Variants in HEPACAM observed in about 807,000 individuals in gnomAD.
HEPACAM encodes the protein hepatic and glial cell adhesion molecule, also known as hepatocyte cell adhesion molecule.
HEPACAM carries 18 observed loss-of-function variants against 38.3 expected under a neutral mutation model. That is an observed-to-expected ratio of 0.47 (90% CI 0.33 to 0.70). The LOEUF (loss-of-function observed/expected upper bound fraction) is 0.70, where lower values mean the gene tolerates loss of function less well. Ranked by LOEUF, HEPACAM falls within the 30% of genes least tolerant of loss-of-function variation. The pLI is 0.03. For synonymous variants in HEPACAM, 216 were observed against 243.1 expected, an observed-to-expected ratio of 0.89 and a Z score of 1.04; for missense variants, 466 against 563.0, an observed-to-expected ratio of 0.83 and a Z score of 1.74.
In HEPACAM at chr11:124,924,156, C is replaced by T. The variant is rs1261473138; in HGVS notation, c.428-146G>A. On this transcript the variant is annotated intron_variant, in intron 2 of 6. Transcript: ENST00000298251. The surrounding 1 kb of genome is among the most constrained non-coding windows in gnomAD (Gnocchi z 4.4). Reference sequence around the variant, plus strand: ...GAGAAGACTTCAGACATCCTAAGTCCAGTTCTTTCCCATCGCTTATTCATT... The same window carrying T: ...GAGAAGACTTCAGACATCCTAAGTCTAGTTCTTTCCCATCGCTTATTCATT... 7 of 775,308 alleles carry T rather than the reference C, an allele frequency of 9.0e-6. No individual in the cohort carries two copies. In the East Asian group the frequency reaches 1.9e-4, roughly 21 times the overall value. 48.0% of individuals were successfully genotyped at this position (775,308 alleles called of 1,614,324 possible). A position where few individuals can be genotyped will look rare whatever the true frequency, so the allele number is the denominator to read the frequency against.
At chr11:124,923,472 A>G in intron 3 of HEPACAM, 39 bp from the exon 4 acceptor site, 2 of 1,431,562 alleles carry the variant, frequency 1.4e-6, no homozygotes, top group South Asian at 1.1e-5. Context: ...GAGGGACTTC[A>G]AAGGGGCAAG....
Position 124,919,965 on chromosome 11 carries a change from G to C in HEPACAM, c.*1173C>G. On this transcript the variant is annotated 3_prime_UTR_variant, in exon 7 of 7. Coordinates refer to ENST00000298251, the MANE Select transcript of HEPACAM (RefSeq NM_152722.5). ...GAACTGTTCAATAGGCGGTGGCATG[G>C]GCATGTCCTGGCTACACAGCGGCCC... The C allele has an allele frequency of 6.2e-7, 1 of 1,613,726 alleles. No individual in the cohort carries two copies. Among genetic ancestry groups the C allele is most frequent in the Non-Finnish European group, 8.5e-7 (1 of 1,180,020 alleles).
intron 1 of HEPACAM, among the ~76,000 whole-genome samples, chr11:124,934,107 C>T (rs75901929): frequency 1.3e-5 from 2 of 152,136 alleles, no homozygotes; most frequent in South Asian, 4.1e-4. Flanking sequence ...CATCTTCACA[C>T]GGAAGCCTCA....
At chr11:124,923,250 G>T in intron 4 of HEPACAM, 90 bp downstream of exon 4, 1 of 872,740 alleles carries the variant, frequency 1.1e-6, no homozygotes, top group Non-Finnish European at 2.0e-6. Flanking sequence ...AACCCTGGGA[G>T]GAAAGGCATT....
intron 3 of HEPACAM, 129 bp from the exon 4 acceptor site, chr11:124,923,562 G>C: frequency 9.1e-7 from 1 of 1,095,398 alleles, no homozygotes; most frequent in Non-Finnish European, 1.4e-6. Context: ...GCTGGTGGTG[G>C]AGCTTGTACA....
chr11:124,921,507 G>C lies in HEPACAM; in HGVS notation c.949-67C>G, dbSNP rs184424164. Reference sequence around the variant, plus strand: ...CAGCCTGGGAGCGCGCCTGGTGTTAGAGCTTGCTGGAATTCCGAGGGGAGG... The same window carrying C: ...CAGCCTGGGAGCGCGCCTGGTGTTACAGCTTGCTGGAATTCCGAGGGGAGG... On this transcript the variant is annotated intron_variant, in intron 6 of 6. Coordinates refer to ENST00000298251, the MANE Select transcript of HEPACAM (RefSeq NM_152722.5). The surrounding 1 kb of genome is among the most constrained non-coding windows in gnomAD (Gnocchi z 4.6). 7.5e-4 allele frequency: 781 copies of C among 1,041,952 alleles called. 1 individual carries two copies. The African/African-American group carries it at 0.011, about 14-fold the overall frequency. The allele number at this position is 1,041,952 out of a possible 1,614,324, so 64.5% of individuals were successfully genotyped here.
intron 1 of HEPACAM, among the ~76,000 whole-genome samples, chr11:124,929,516 G>T (rs1947258502): frequency 1.3e-5 from 2 of 152,304 alleles, no homozygotes; most frequent in South Asian, 4.1e-4. Context: ...ACACAGAAAT[G>T]AGGAAATAGC....
rs530788589 is a variant in HEPACAM at position 124,921,881 on chromosome 11, T to C, written c.949-441A>G. Among the ~76,000 whole-genome samples, 5 of 152,274 alleles carry C rather than the reference T, an allele frequency of 3.3e-5. No individual in the cohort carries two copies. The South Asian group carries it at 1.0e-3, about 32-fold the overall frequency. On this transcript the variant is annotated intron_variant, in intron 6 of 6. Coordinates refer to ENST00000298251, the MANE Select transcript of HEPACAM (RefSeq NM_152722.5). The surrounding 1 kb of genome is among the most constrained non-coding windows in gnomAD (Gnocchi z 4.6). ...CTCTAAAATGTGCATGACACAAATATTTCACAGGGTTATTCTGAGTACTAT... is the reference window on the plus strand; with the variant it reads ...CTCTAAAATGTGCATGACACAAATACTTCACAGGGTTATTCTGAGTACTAT...
intron 5 of HEPACAM, 106 bp downstream of exon 5, chr11:124,922,639 A>G: frequency 6.2e-7 from 1 of 1,613,268 alleles, no homozygotes. Context: ...TGGTGGGGGA[A>G]GGGTCCCTGC....
chr11:124,923,559 G>T, intron 3 of HEPACAM, 126 bp from the exon 4 acceptor site: 1 of 1,092,068 alleles, frequency 9.2e-7, no homozygotes, highest in Non-Finnish European at 1.4e-6. Flanking sequence ...GATGCTGGTG[G>T]TGGAGCTTGT....
In HEPACAM at chr11:124,920,232, G is replaced by T; in HGVS notation, c.*906C>A. On this transcript the variant is annotated 3_prime_UTR_variant, in exon 7 of 7. Transcript: ENST00000298251. ...CCTGAGGACAATGATTGTTTGAAAG[G>T]CTTGTTTTGTAAGGAAGCCAGGAGG... The T allele has an allele frequency of 1.1e-6, 1 of 880,012 alleles. No individual in the cohort carries two copies. The highest frequency in any genetic ancestry group is 1.7e-6 in the Non-Finnish European group (1 of 578,032). 54.5% of individuals were successfully genotyped at this position (880,012 alleles called of 1,614,324 possible).
chr11:124,920,974 G>C lies in HEPACAM; in HGVS notation c.*164C>G. The C allele has an allele frequency of 7.4e-7, 1 of 1,360,526 alleles. No individual in the cohort carries two copies. The highest frequency in any genetic ancestry group is 9.4e-7 in the Non-Finnish European group (1 of 1,059,934). The allele number at this position is 1,360,526 out of a possible 1,614,324, so 84.3% of individuals were successfully genotyped here. ...TCAACACTGCCGCCTCCGCGCACCC[G>C]CCTCCGTCTGCGCATGCTCATACAC... On this transcript the variant is annotated 3_prime_UTR_variant, in exon 7 of 7. Coordinates refer to ENST00000298251, the MANE Select transcript of HEPACAM (RefSeq NM_152722.5).
rs139560508 is a variant in HEPACAM, at chr11:124,935,815, C to T, written c.85+107G>A. 1.0e-3 allele frequency: 888 copies of T among 876,088 alleles called. 5 individuals carry two copies. Among genetic ancestry groups the T allele is most frequent in the South Asian group, 2.3e-3 (169 of 71,950 alleles). The allele number at this position is 876,088 out of a possible 1,614,324, so 54.3% of individuals were successfully genotyped here. On this transcript the variant is annotated intron_variant, in intron 1 of 6. Transcript: ENST00000298251. ...ATGTTTCCCACGGCAGCTGAACTCT[C>T]CCCCACTCCTGCCCCAAAGGCATTC...
Position 124,920,041 on chromosome 11 carries a change from T to C in HEPACAM, c.*1097A>G, listed in dbSNP as rs533937460. 185 of 1,605,310 alleles carry C rather than the reference T, an allele frequency of 1.2e-4. 3 individuals carry two copies. In the South Asian group the frequency reaches 1.9e-3, roughly 16 times the overall value. On this transcript the variant is annotated 3_prime_UTR_variant, in exon 7 of 7. Coordinates refer to ENST00000298251, the MANE Select transcript of HEPACAM (RefSeq NM_152722.5). Reference sequence around the variant, plus strand: ...GATTAGGGAGTCTGCCCTTTTTCTGTGCCCTGGGACCTGAGCATGTGGGAG... The same window carrying C: ...GATTAGGGAGTCTGCCCTTTTTCTGCGCCCTGGGACCTGAGCATGTGGGAG...
At position 124,919,849 on chromosome 11, in the gene HEPACAM, G is replaced by C; in HGVS notation, c.*1289C>G. The C allele has an allele frequency of 6.2e-7, 1 of 1,609,900 alleles. No homozygotes were observed. Among genetic ancestry groups the C allele is most frequent in the Non-Finnish European group, 8.5e-7 (1 of 1,175,994 alleles). ...TGCAAGGACCCTTGGAGGCATTAAG[G>C]AGGAGGGAATGGAATACACAGAGGG... is the stretch of plus-strand genomic sequence containing the variant. On this transcript the variant is annotated 3_prime_UTR_variant, in exon 7 of 7. Coordinates refer to ENST00000298251, the MANE Select transcript of HEPACAM (RefSeq NM_152722.5).
At position 124,920,946 on chromosome 11, in the gene HEPACAM, A is replaced by G. The variant is rs886047929; in HGVS notation, c.*192T>C. 203 of 1,361,776 alleles carry G rather than the reference A, an allele frequency of 1.5e-4. 2 individuals carry two copies. In the East Asian group the frequency reaches 5.5e-3, roughly 37 times the overall value. 84.4% of individuals were successfully genotyped at this position (1,361,776 alleles called of 1,614,324 possible). ...GAAGCAAATGCGACCCGGTTTCACC[A>G]TATCAACACTGCCGCCTCCGCGCAC... On this transcript the variant is annotated 3_prime_UTR_variant, in exon 7 of 7. Coordinates refer to ENST00000298251, the MANE Select transcript of HEPACAM (RefSeq NM_152722.5).
chr11:124,921,240 G>A lies in HEPACAM; in HGVS notation c.1149C>T (p.Ser383=), dbSNP rs753352247. The change falls in exon 7 of 7, where the codon AGC becomes AGT. Residue 383 remains serine (S), a synonymous_variant. Coordinates refer to ENST00000298251, the MANE Select transcript of HEPACAM (RefSeq NM_152722.5). This position sits in a 1 kb window ranked among gnomAD's most constrained non-coding sequence, Gnocchi z 4.6. The stretch of plus-strand genomic sequence containing the variant: ...AGGCGCTGCGCGAGCGGCCGGGCGA[G>A]CTCGGGGCCCTGGGCGGCGACGAGT... ...RTHSSPPRAP[S]SPGRSRSASR... 10 of 1,460,950 alleles carry A rather than the reference G, an allele frequency of 6.8e-6. No homozygotes were observed. The highest frequency in any genetic ancestry group is 9.0e-6 in the Non-Finnish European group (10 of 1,112,312). The allele number at this position is 1,460,950 out of a possible 1,614,324, so 90.5% of individuals were successfully genotyped here.
At chr11:124,925,666 G>GT (rs537543521) in intron 1 of HEPACAM, among the ~76,000 whole-genome samples, 35 of 151,820 alleles carry the variant, frequency 2.3e-4, no homozygotes, top group Non-Finnish European at 3.7e-4. Flanking sequence ...GCCTCTTCCC[G>GT]TTTTTTTTGC....
intron 1 of HEPACAM, among the ~76,000 whole-genome samples, chr11:124,927,041 T>C (rs1173985507): frequency 2.0e-5 from 3 of 152,044 alleles, no homozygotes; most frequent in African/African-American, 7.2e-5. Context: ...GCCAATTTTT[T>C]TGTATTTTTT....
Sources: allele counts gnomAD v4.1 joint callset (sites outside exome capture counted in the v4.1 genomes callset), GRCh38; gene constraint gnomAD v4.1.1; non-coding constraint Gnocchi (gnomAD v3.1); transcripts MANE v1.5; gene names NCBI Gene and HGNC (gene_info 2026-07-23, HGNC 2026-07-21).